BNIP3L: variants seen among roughly 807,000 people sequenced by gnomAD.
The protein encoded by BNIP3L is BCL2/adenovirus E1B 19 kDa protein-interacting protein 3-like.
Under a neutral mutation model 25.5 loss-of-function variants are expected in BNIP3L, and 10 were observed. The observed-to-expected ratio is 0.39, with a 90% confidence interval of 0.24 to 0.67. The LOEUF is 0.67. Ranked by LOEUF, BNIP3L falls within the 30% of genes least tolerant of loss-of-function variation. BNIP3L has a pLI of 0.45. For synonymous variants in BNIP3L, 113 were observed against 101.2 expected (o/e 1.12, Z -0.70); for missense variants, 215 against 270.9 (o/e 0.79, Z 1.45).
intron 2 of BNIP3L, 42 bp from the exon 3 acceptor site, chr8:26,395,186 CAA>C (rs1461665177): frequency 6.3e-7 from 1 of 1,593,142 alleles, no homozygotes; most frequent in African/African-American, 1.3e-5. Context: ...AGTCATTTGA[CAA>C]AGTGAGAATT....
intron 3 of BNIP3L, among the ~76,000 whole-genome samples, chr8:26,403,881 C>T (rs1319236387): frequency 6.6e-6 from 1 of 152,134 alleles, no homozygotes; most frequent in African/African-American, 2.4e-5. Context: ...ATGATATTAT[C>T]CCCATGGACC....
At chr8:26,394,378 A>T (rs1806182831) in intron 2 of BNIP3L, among the ~76,000 whole-genome samples, 1 of 152,154 alleles carries the variant, frequency 6.6e-6, no homozygotes, top group Non-Finnish European at 1.5e-5. Context: ...TGGTTCTCAA[A>T]GTTTTTGGTC....
intron 3 of BNIP3L, among the ~76,000 whole-genome samples, chr8:26,398,743 A>G (rs1213916456): frequency 1.8e-4 from 16 of 89,490 alleles, no homozygotes; most frequent in Non-Finnish European, 7.0e-5. Context: ...TAATAAAGAA[A>G]AAAAGAGAGA....
intron 3 of BNIP3L, among the ~76,000 whole-genome samples, chr8:26,402,649 A>G (rs1806413377): frequency 6.6e-6 from 1 of 152,194 alleles, no homozygotes; most frequent in Admixed American, 6.5e-5. Flanking sequence ...TTTAAGCTGG[A>G]CATGGTGGCA....
intron 1 of BNIP3L, 25 bp downstream of exon 1, chr8:26,383,255 G>T: frequency 3.8e-6 from 6 of 1,593,684 alleles, no homozygotes; most frequent in Non-Finnish European, 5.1e-6. Flanking sequence ...GAGGCTCTGT[G>T]AAGGGGATGG....
chr8:26,401,849 G>A (rs906978238), intron 3 of BNIP3L, among the ~76,000 whole-genome samples: 6 of 152,110 alleles, frequency 3.9e-5, no homozygotes, highest in African/African-American at 1.4e-4. Context: ...CTTAAAATAT[G>A]GTAAGTATAT....
rs1030536331 is a variant in BNIP3L, at chr8:26,383,395, G to C, written c.100+165G>C. 2.1e-6 allele frequency: 3 copies of C among 1,442,454 alleles called. No homozygotes were observed. In the African/African-American group the frequency reaches 4.3e-5, roughly 21 times the overall value. 89.4% of individuals were successfully genotyped at this position (1,442,454 alleles called of 1,614,324 possible). The stretch of plus-strand genomic sequence containing the variant: ...CCCGTCCCCTGTCAAGAGGAGGGGC[G>C]CCTGCCTTGCTCCGGGCCTCTCTGT... On this transcript the variant is annotated intron_variant, in intron 1 of 5. Coordinates refer to ENST00000380629, the MANE Select transcript of BNIP3L (RefSeq NM_004331.3).
chr8:26,387,105 G>A (rs1437443586), intron 1 of BNIP3L, among the ~76,000 whole-genome samples: 1 of 152,130 alleles, frequency 6.6e-6, no homozygotes, highest in Non-Finnish European at 1.5e-5. Context: ...TCCTCCCCTT[G>A]TCCCAAAGCT....
At chr8:26,389,897 A>G (rs1320635866) in intron 1 of BNIP3L, among the ~76,000 whole-genome samples, 1 of 152,142 alleles carries the variant, frequency 6.6e-6, no homozygotes, top group Non-Finnish European at 1.5e-5. Flanking sequence ...GCCAGTTTTG[A>G]TGATTTTACT....
At position 26,412,885 on chromosome 8, in the gene BNIP3L, A is replaced by G. The variant is rs1806661445; in HGVS notation, c.*2473A>G. ...ACAAACTTGCACATTGGAAAGTGCA[A>G]CAAGTTCCCGTGATTGCAGTAAAAA... On this transcript the variant is annotated 3_prime_UTR_variant, in exon 6 of 6. Transcript: ENST00000380629. 6.6e-6 allele frequency: 1 copy of G among 152,616 alleles called. No homozygotes were observed. Among genetic ancestry groups the G allele is most frequent in the African/African-American group, 2.4e-5 (1 of 41,456 alleles). The allele number at this position is 152,616 out of a possible 1,614,324, so 9.5% of individuals were successfully genotyped here. A position where few individuals can be genotyped will look rare whatever the true frequency, so the allele number is the denominator to read the frequency against.
chr8:26,405,730 T>A (rs7835105), intron 3 of BNIP3L, among the ~76,000 whole-genome samples: 2,849 of 152,260 alleles, frequency 0.019, 85 homozygotes, highest in African/African-American at 0.066. Context: ...GGGTTTGGGA[T>A]CATAGCATGA....
Position 26,412,683 on chromosome 8 carries a change from A to G in BNIP3L, c.*2271A>G, listed in dbSNP as rs76206561. On this transcript the variant is annotated 3_prime_UTR_variant, in exon 6 of 6. Coordinates refer to ENST00000380629, the MANE Select transcript of BNIP3L (RefSeq NM_004331.3). ...GCTACACCCAGATTTGTGTTGAACG[A>G]AAACATTGTGGTTTGGAAAGGAGAA... The G allele has an allele frequency of 1.3e-5, 2 of 152,674 alleles. No individual in the cohort carries two copies. Among genetic ancestry groups the G allele is most frequent in the East Asian group, 3.8e-4 (2 of 5,204 alleles). 9.5% of individuals were successfully genotyped at this position (152,674 alleles called of 1,614,324 possible). A position where few individuals can be genotyped will look rare whatever the true frequency, so the allele number is the denominator to read the frequency against.
intron 5 of BNIP3L, 73 bp downstream of exon 5, chr8:26,408,449 G>T: frequency 1.3e-6 from 2 of 1,488,692 alleles, no homozygotes; most frequent in Non-Finnish European, 1.8e-6. Flanking sequence ...AGAAATGTAT[G>T]TGAAAGCAGT....
intron 1 of BNIP3L, among the ~76,000 whole-genome samples, chr8:26,386,832 G>T (rs1448608233): frequency 6.6e-6 from 1 of 152,074 alleles, no homozygotes; most frequent in African/African-American, 2.4e-5. Flanking sequence ...GAATACCTAC[G>T]TAACTTGTAT....
intron 1 of BNIP3L, chr8:26,390,287 G>A (rs913349284): frequency 2.2e-6 from 2 of 926,658 alleles, no homozygotes; most frequent in Admixed American, 6.2e-5. Context: ...ACCTTAATAC[G>A]TTTAGCAAAC....
intron 3 of BNIP3L, 84 bp downstream of exon 3, chr8:26,395,386 AG>A (rs1806210832): frequency 7.2e-7 from 1 of 1,393,248 alleles, no homozygotes; most frequent in African/African-American, 1.4e-5. Flanking sequence ...ATAAATGTGA[AG>A]ACTTTTAGGA....
chr8:26,383,671 G>C (rs1227496026), intron 1 of BNIP3L, among the ~76,000 whole-genome samples: 1 of 150,046 alleles, frequency 6.7e-6, no homozygotes, highest in Non-Finnish European at 1.5e-5. Flanking sequence ...GCGGGCGGCT[G>C]CCGCGGGACG....
chr8:26,407,649 C>T (rs1045863275), intron 3 of BNIP3L, among the ~76,000 whole-genome samples: 1 of 152,142 alleles, frequency 6.6e-6, no homozygotes, highest in African/African-American at 2.4e-5. Flanking sequence ...ATTTTAAGTG[C>T]ATACAAGAGA....
intron 5 of BNIP3L, among the ~76,000 whole-genome samples, chr8:26,408,871 C>CA (rs1563343962): frequency 2.4e-5 from 1 of 41,202 alleles, no homozygotes; most frequent in Non-Finnish European, 4.5e-5. Context: ...GACTCCATCT[C>CA]GGAAAAAAAA....
Sources: gnomAD v4.1 joint callset for allele counts (sites outside exome capture counted in the v4.1 genomes callset) on GRCh38, gnomAD v4.1.1 for gene constraint, MANE v1.5 for transcripts, NCBI Gene and HGNC (gene_info 2026-07-23, HGNC 2026-07-21) for gene names.